Variants in ITSN1 observed in about 807,000 individuals in gnomAD.
ITSN1 encodes the protein intersectin 1.
A neutral mutation model predicts 239.8 loss-of-function variants in ITSN1; 58 were observed. That is an observed-to-expected ratio of 0.24 (90% CI 0.20 to 0.30). The LOEUF (loss-of-function observed/expected upper bound fraction) is 0.30, where lower values mean the gene tolerates loss of function less well. ITSN1 is among the 10% of genes least tolerant of loss of function. ITSN1 has a pLI of 1.00. For synonymous variants in ITSN1, 780 were observed against 770.8 expected (o/e 1.01, Z -0.20); for missense variants, 1,558 against 2,103.3 (o/e 0.74, Z 5.07).
chr21:33,853,021 C>T (rs936060024), intron 29 of ITSN1, among the ~76,000 whole-genome samples: 1 of 152,142 alleles, frequency 6.6e-6, no homozygotes, highest in African/African-American at 2.4e-5. Context: ...TTCAAAATGC[C>T]TATTTCAAAT....
intron 1 of ITSN1, among the ~76,000 whole-genome samples, chr21:33,677,847 C>CTAT (rs1208003071): frequency 2.0e-5 from 3 of 152,210 alleles, no homozygotes; most frequent in Non-Finnish European, 4.4e-5. Context: ...CTGACCACTC[C>CTAT]TAATCATTTC....
Position 33,892,379 on chromosome 21 carries a change from A to T in ITSN1, c.*4079A>T, listed in dbSNP as rs1286768650. The T allele has an allele frequency of 6.6e-6, 1 of 152,200 alleles. No individual in the cohort carries two copies. Among genetic ancestry groups the T allele is most frequent in the Non-Finnish European group, 1.5e-5 (1 of 68,040 alleles). 9.4% of individuals were successfully genotyped at this position (152,200 alleles called of 1,614,324 possible). A position where few individuals can be genotyped will look rare whatever the true frequency, so the allele number is the denominator to read the frequency against. On this transcript the variant is annotated 3_prime_UTR_variant, in exon 40 of 40. Coordinates refer to ENST00000381318, the MANE Select transcript of ITSN1 (RefSeq NM_003024.3). ...CTGCTAGAGACTTCCCCTTACTTCC[A>T]TGAATGGCCCAGGGGCTGCTTAGTA... is the stretch of plus-strand genomic sequence containing the variant.
intron 30 of ITSN1, among the ~76,000 whole-genome samples, 169 bp downstream of exon 30, chr21:33,857,026 T>C (rs1457066843): frequency 6.6e-6 from 1 of 152,096 alleles, no homozygotes; most frequent in Non-Finnish European, 1.5e-5. Context: ...CAGAGACGGT[T>C]CGTTGCTTAT....
rs145396354 is a variant in ITSN1 at position 33,706,293 on chromosome 21, A to G, written c.-32-12504A>G. ...CTCAGCCTCCCAAAGTGCTGGGATT[A>G]CAGGCATGAGCCACCAAGTTTTTAA... On this transcript the variant is annotated intron_variant, in intron 1 of 39. Transcript: ENST00000381318. Among the ~76,000 whole-genome samples the G allele has an allele frequency of 1.6e-3, 237 of 152,326 alleles. 2 individuals carry two copies. Among genetic ancestry groups the G allele is most frequent in the African/African-American group, 4.9e-3 (203 of 41,582 alleles).
intron 20 of ITSN1, among the ~76,000 whole-genome samples, chr21:33,809,525 A>G (rs1274908227): frequency 6.6e-6 from 1 of 152,220 alleles, no homozygotes; most frequent in African/African-American, 2.4e-5. Context: ...ACATACAGAT[A>G]GATGTTTGGT....
chr21:33,659,466 G>C (rs985840974), intron 1 of ITSN1, among the ~76,000 whole-genome samples: 2 of 152,134 alleles, frequency 1.3e-5, no homozygotes, highest in Non-Finnish European at 2.9e-5. Flanking sequence ...AGTCTTATGG[G>C]ACCAAGCCCT....
At chr21:33,726,449 T>C (rs772605275) in intron 4 of ITSN1, among the ~76,000 whole-genome samples, 1 of 151,870 alleles carries the variant, frequency 6.6e-6, no homozygotes, top group Non-Finnish European at 1.5e-5. Flanking sequence ...TGGGTTTGAC[T>C]CTGAAGTTTT....
At chr21:33,750,042 C>T (rs1369423233) in intron 5 of ITSN1, 101 bp from the exon 6 acceptor site, 1 of 1,083,600 alleles carries the variant, frequency 9.2e-7, no homozygotes, top group Non-Finnish European at 1.4e-6. Flanking sequence ...GAATATATTA[C>T]AGCTGGAAAG....
At chr21:33,868,952 GTTGA>G (rs1043648874) in intron 33 of ITSN1, among the ~76,000 whole-genome samples, 1 of 150,168 alleles carries the variant, frequency 6.7e-6, no homozygotes, top group African/African-American at 2.5e-5. Flanking sequence ...GAGCTTAGTC[GTTGA>G]TTCTTTTTTT....
At chr21:33,721,525 A>G (rs1037647984) in intron 3 of ITSN1, among the ~76,000 whole-genome samples, 1 of 152,098 alleles carries the variant, frequency 6.6e-6, no homozygotes, top group Non-Finnish European at 1.5e-5. Context: ...CAAAGGACCA[A>G]TGGCTCACAC....
At chr21:33,722,943 T>C (rs1187368950) in intron 4 of ITSN1, among the ~76,000 whole-genome samples, 2 of 152,228 alleles carry the variant, frequency 1.3e-5, no homozygotes, top group Admixed American at 6.5e-5. Flanking sequence ...TAGTTTTGGC[T>C]TCACCCATAT....
chr21:33,661,187 A>C (rs1428185375), intron 1 of ITSN1, among the ~76,000 whole-genome samples: 1 of 152,090 alleles, frequency 6.6e-6, no homozygotes, highest in Non-Finnish European at 1.5e-5. Context: ...CCCAAATCTG[A>C]ATAATCATAG....
Position 33,665,412 on chromosome 21 carries a change from T to G in ITSN1, c.-33+22699T>G, listed in dbSNP as rs541986795. Among the ~76,000 whole-genome samples, 343 of 152,156 alleles carry G rather than the reference T, an allele frequency of 2.3e-3. 1 individual carries two copies. The highest frequency in any genetic ancestry group is 8.0e-3 in the African/African-American group (334 of 41,502). On this transcript the variant is annotated intron_variant, in intron 1 of 39. Transcript: ENST00000381318. ...TCAAAATTGTTAGTCATTAGGGAAA[T>G]GGAAATCAAAACTATGAGAATACCA...
At chr21:33,685,249 T>C (rs1350037043) in intron 1 of ITSN1, among the ~76,000 whole-genome samples, 1 of 152,228 alleles carries the variant, frequency 6.6e-6, no homozygotes, top group African/African-American at 2.4e-5. Flanking sequence ...ATGTTTTCAC[T>C]GGATATACTC....
At chr21:33,747,266 T>G (rs1165703881) in intron 5 of ITSN1, among the ~76,000 whole-genome samples, 2 of 151,940 alleles carry the variant, frequency 1.3e-5, no homozygotes, top group East Asian at 3.9e-4. Context: ...TGAAGATTAA[T>G]CAATAGAAAT....
At chr21:33,645,912 G>T (rs1385555981) in intron 1 of ITSN1, among the ~76,000 whole-genome samples, 1 of 152,208 alleles carries the variant, frequency 6.6e-6, no homozygotes, top group African/African-American at 2.4e-5. Context: ...AAAAACAATT[G>T]ACTGTGATTG....
intron 26 of ITSN1, among the ~76,000 whole-genome samples, chr21:33,827,224 C>G (rs1602473808): frequency 6.6e-6 from 1 of 151,914 alleles, no homozygotes; most frequent in African/African-American, 2.4e-5. Context: ...ACAGGGGAAT[C>G]CCGGTCTGTA....
intron 21 of ITSN1, 28 bp from the exon 22 acceptor site, chr21:33,813,885 A>T (rs763614748): frequency 6.3e-7 from 1 of 1,587,880 alleles, no homozygotes; most frequent in Non-Finnish European, 8.5e-7. Flanking sequence ...AGTGCTTGTT[A>T]TTCATGGTGT....
chr21:33,730,369 G>T (rs1312017390), intron 4 of ITSN1, among the ~76,000 whole-genome samples: 2 of 138,892 alleles, frequency 1.4e-5, no homozygotes, highest in Non-Finnish European at 3.0e-5. Flanking sequence ...AAGGTAACCT[G>T]CTATAAATGC....
Sources: allele counts gnomAD v4.1 joint callset (sites outside exome capture counted in the v4.1 genomes callset), GRCh38; gene constraint gnomAD v4.1.1; transcripts MANE v1.5; gene names NCBI Gene and HGNC (gene_info 2026-07-23, HGNC 2026-07-21).